The following APPBP2 variants were observed in gnomAD, a reference collection of about 807,000 sequenced individuals.
The protein encoded by APPBP2 is amyloid protein-binding protein 2.
Under a neutral mutation model 76.0 loss-of-function variants are expected in APPBP2, and 15 were observed. The observed-to-expected ratio is 0.20, with a 90% CI of 0.13 to 0.30. APPBP2 has a LOEUF of 0.30. Ranked by LOEUF, APPBP2 falls within the 10% of genes least tolerant of loss-of-function variation. The pLI is 1.00. For missense variants in APPBP2, 401 were observed against 687.2 expected, an observed-to-expected ratio of 0.58 and a Z score of 4.66; for synonymous variants, 222 against 242.2, an observed-to-expected ratio of 0.92 and a Z score of 0.77.
intron 4 of APPBP2, among the ~76,000 whole-genome samples, chr17:60,469,551 C>A (rs2090536678): frequency 6.6e-6 from 1 of 152,072 alleles, no homozygotes; most frequent in Admixed American, 6.6e-5. Context: ...TTTTTCATCA[C>A]CCCAAACAGT....
intron 5 of APPBP2, 61 bp downstream of exon 5, chr17:60,466,230 T>G: frequency 6.8e-7 from 1 of 1,465,582 alleles, no homozygotes; most frequent in Non-Finnish European, 9.4e-7. Context: ...GACTATTTGA[T>G]TTACCCTCTG....
chr17:60,505,676 G>GTTTTT lies in APPBP2; in HGVS notation c.139-5194_139-5190dup, dbSNP rs1170935393. Among the ~76,000 whole-genome samples the GTTTTT allele has an allele frequency of 1.3e-3, 114 of 85,710 alleles. 9 individuals carry two copies. The highest frequency in any genetic ancestry group is 2.0e-3 in the Non-Finnish European group (96 of 48,530). 56.2% of individuals were successfully genotyped at this position (85,710 alleles called of 152,430 possible). ...TCCTAAAAGCCACCTGACCCCTGCG[G>GTTTTT]TTTTTTTTTTTTTTTTTTTTTTTTT... On this transcript the variant is annotated intron_variant, in intron 1 of 12. Transcript: ENST00000083182.
At chr17:60,496,563 T>G (rs1037791121) in intron 2 of APPBP2, 7 of 152,166 alleles carry the variant, frequency 4.6e-5, no homozygotes, top group Non-Finnish European at 1.0e-4. Flanking sequence ...TTTTAAAAGT[T>G]TTTCTAGTCT....
intron 3 of APPBP2, among the ~76,000 whole-genome samples, chr17:60,484,735 G>A (rs1024137297): frequency 3.3e-5 from 5 of 151,994 alleles, no homozygotes; most frequent in Non-Finnish European, 5.9e-5. Context: ...TTGCCTGACC[G>A]CCCTGGCCAG....
In APPBP2 at chr17:60,504,698, G is replaced by A. The variant is rs143460727; in HGVS notation, c.139-4211C>T. On this transcript the variant is annotated intron_variant, in intron 1 of 12. Transcript: ENST00000083182. ...CATGGCTGCGTGTCCCAGGTACTTGGGAAGCTGAGGCATAAGAATTGCACA... is the reference window on the plus strand; with the variant it reads ...CATGGCTGCGTGTCCCAGGTACTTGAGAAGCTGAGGCATAAGAATTGCACA... Among the ~76,000 whole-genome samples the A allele has an allele frequency of 3.4e-3, 513 of 152,250 alleles. 4 individuals are homozygous for A. Among genetic ancestry groups the A allele is most frequent in the African/African-American group, 0.012 (481 of 41,538 alleles).
chr17:60,520,570 TAAAAAAA>T (rs781626784), intron 1 of APPBP2, among the ~76,000 whole-genome samples: 75 of 99,860 alleles, frequency 7.5e-4, no homozygotes, highest in African/African-American at 4.5e-3. Flanking sequence ...AAGACTCTGT[TAAAAAAA>T]AAAAAAAAAA....
chr17:60,448,413 A>C (rs1255612840), intron 12 of APPBP2, among the ~76,000 whole-genome samples: 1 of 152,264 alleles, frequency 6.6e-6, no homozygotes, highest in Non-Finnish European at 1.5e-5. Flanking sequence ...CAGTGAGCCA[A>C]GATCAGGCCA....
chr17:60,491,263 CA>C (rs1453181886), intron 3 of APPBP2, among the ~76,000 whole-genome samples: 1 of 151,962 alleles, frequency 6.6e-6, no homozygotes, highest in Admixed American at 6.6e-5. Context: ...ATATTTTAGC[CA>C]AAAGACTGGT....
intron 1 of APPBP2, among the ~76,000 whole-genome samples, chr17:60,510,413 A>G (rs936140032): frequency 2.0e-5 from 3 of 151,494 alleles, no homozygotes; most frequent in Non-Finnish European, 4.4e-5. Flanking sequence ...AAAACAAATA[A>G]TTTTAAAAAG....
intron 1 of APPBP2, among the ~76,000 whole-genome samples, chr17:60,506,749 AT>A (rs1228712134): frequency 6.6e-6 from 1 of 152,154 alleles, no homozygotes; most frequent in African/African-American, 2.4e-5. Context: ...TAAAAAAAAC[AT>A]TTTCCCCCCG....
In APPBP2 at chr17:60,503,291, A is replaced by G. The variant is rs923862054; in HGVS notation, c.139-2804T>C. Among the ~76,000 whole-genome samples the G allele has an allele frequency of 4.8e-5, 7 of 146,480 alleles. No individual in the cohort carries two copies. The East Asian group carries it at 1.4e-3, about 28-fold the overall frequency. On this transcript the variant is annotated intron_variant, in intron 1 of 12. Coordinates refer to ENST00000083182, the MANE Select transcript of APPBP2 (RefSeq NM_006380.5). Reference sequence around the variant, plus strand: ...CTTCCAAAGTGCTGGGATTACAGGCATGAGTTTCTCTAGTTAAAATGCGCT... The same window carrying G: ...CTTCCAAAGTGCTGGGATTACAGGCGTGAGTTTCTCTAGTTAAAATGCGCT...
intron 9 of APPBP2, among the ~76,000 whole-genome samples, chr17:60,458,413 G>A (rs1273223556): frequency 6.7e-6 from 1 of 149,404 alleles, no homozygotes; most frequent in Non-Finnish European, 1.5e-5. Context: ...CAGCCTGGGC[G>A]ACAGAGTGAC....
chr17:60,460,907 A>G (rs1598349348), intron 8 of APPBP2, 120 bp from the exon 9 acceptor site: 2 of 973,742 alleles, frequency 2.1e-6, no homozygotes, highest in East Asian at 3.0e-5. Context: ...TGAAGCCCAG[A>G]AAGTCCTGCT....
At chr17:60,485,983 T>C (rs1385055243) in intron 3 of APPBP2, among the ~76,000 whole-genome samples, 1 of 152,224 alleles carries the variant, frequency 6.6e-6, no homozygotes, top group African/African-American at 2.4e-5. Context: ...GAGCAGGCTG[T>C]TCAGTTTCCA....
In APPBP2 at chr17:60,446,229, G is replaced by A. The variant is rs78927136; in HGVS notation, c.*1352C>T. ...ATGGGCTACTACAGTAAGAATTGAG[G>A]TAACAGCAAAATACCTTTTTGTTTC... On this transcript the variant is annotated 3_prime_UTR_variant, in exon 13 of 13. Coordinates refer to ENST00000083182, the MANE Select transcript of APPBP2 (RefSeq NM_006380.5). The A allele has an allele frequency of 6.6e-6, 1 of 152,534 alleles. No individual in the cohort carries two copies. The highest frequency in any genetic ancestry group is 1.5e-5 in the Non-Finnish European group (1 of 68,018). 9.4% of individuals were successfully genotyped at this position (152,534 alleles called of 1,614,324 possible).
chr17:60,500,334 C>T (rs2090812856), intron 2 of APPBP2, 65 bp downstream of exon 2: 9 of 1,151,506 alleles, frequency 7.8e-6, no homozygotes, highest in Non-Finnish European at 1.1e-5. Flanking sequence ...TAATGCCACT[C>T]AATTCGGTTA....
At chr17:60,469,734 T>C (rs2090538319) in intron 4 of APPBP2, among the ~76,000 whole-genome samples, 1 of 152,218 alleles carries the variant, frequency 6.6e-6, no homozygotes, top group Non-Finnish European at 1.5e-5. Context: ...TGAATCATTG[T>C]ATGTGTATAT....
At chr17:60,515,818 T>C (rs1246959833) in intron 1 of APPBP2, among the ~76,000 whole-genome samples, 2 of 152,234 alleles carry the variant, frequency 1.3e-5, no homozygotes, top group Non-Finnish European at 2.9e-5. Flanking sequence ...TTTATGAAGC[T>C]GTGTTTTCAG....
chr17:60,458,611 A>C (rs2090450202), intron 9 of APPBP2, among the ~76,000 whole-genome samples: 2 of 152,320 alleles, frequency 1.3e-5, no homozygotes, highest in South Asian at 4.1e-4. Flanking sequence ...TGGCTGCTGT[A>C]GTGTGAAAGA....
Sources: allele counts gnomAD v4.1 joint callset (sites outside exome capture counted in the v4.1 genomes callset), GRCh38; gene constraint gnomAD v4.1.1; transcripts MANE v1.5; gene names NCBI Gene and HGNC (gene_info 2026-07-23, HGNC 2026-07-21).